The following NAALADL2 variants were observed in gnomAD, a reference collection of about 807,000 sequenced individuals.
NAALADL2 encodes inactive N-acetylated-alpha-linked acidic dipeptidase-like protein 2.
A neutral mutation model predicts 87.2 loss-of-function variants in NAALADL2; 76 were observed. That is an observed-to-expected ratio of 0.87 (90% CI 0.72 to 1.05). The LOEUF (loss-of-function observed/expected upper bound fraction) is 1.05. NAALADL2 is among the 50% of genes least tolerant of loss of function. The probability of loss-of-function intolerance (pLI) is 0.00; values close to 1 mark genes in which losing one functional copy is unlikely to be tolerated. For synonymous variants in NAALADL2, 354 were observed against 331.0 expected (o/e 1.07, Z -0.75); for missense variants, 1,089 against 945.8 (o/e 1.15, Z -1.99).
intron 2 of NAALADL2, among the ~76,000 whole-genome samples, chr3:174,667,194 A>G (rs1560129779): frequency 6.6e-6 from 1 of 152,180 alleles, no homozygotes; most frequent in Non-Finnish European, 1.5e-5. Flanking sequence ...ACCCAGAAGT[A>G]AGATTGGTGG....
Position 175,797,656 on chromosome 3 carries a change from T to C in NAALADL2, c.2190-5349T>C, listed in dbSNP as rs575736180. On this transcript the variant is annotated intron_variant, in intron 13 of 13. Transcript: ENST00000454872. ...TCCTAGTCTTTCCCAATCTGAAAAA[T>C]GGGTCTATAATGGAGGAGGGACACA... 2.6e-5 allele frequency among the ~76,000 whole-genome samples: 4 copies of C among 152,144 alleles called. No homozygotes were observed. The East Asian group carries it at 7.7e-4, about 29-fold the overall frequency.
chr3:174,859,093 G>A (rs903646651), upstream of NAALADL2, among the ~76,000 whole-genome samples: 3 of 151,898 alleles, frequency 2.0e-5, no homozygotes, highest in African/African-American at 7.3e-5. Flanking sequence ...GCTCTTTTAG[G>A]GGAAAATATA....
At chr3:175,024,840 T>A (rs1752016926) in intron 1 of NAALADL2, among the ~76,000 whole-genome samples, 1 of 152,126 alleles carries the variant, frequency 6.6e-6, no homozygotes. Context: ...AATCTACTCA[T>A]GTGATGGTGT....
chr3:175,699,926 A>G (rs1191321125), intron 11 of NAALADL2, among the ~76,000 whole-genome samples: 1 of 152,164 alleles, frequency 6.6e-6, no homozygotes, highest in Non-Finnish European at 1.5e-5. Context: ...GATGTGGCAG[A>G]AAGTCCAAGG....
intron 2 of NAALADL2, among the ~76,000 whole-genome samples, chr3:175,214,184 T>G (rs533214741): frequency 9.2e-5 from 14 of 152,310 alleles, no homozygotes; most frequent in Non-Finnish European, 1.9e-4. Context: ...TATTGTAATT[T>G]ACATGACAGC....
chr3:174,787,502 G>C (rs1314957534), intron 3 of NAALADL2, among the ~76,000 whole-genome samples: 1 of 143,998 alleles, frequency 6.9e-6, no homozygotes, highest in Non-Finnish European at 1.5e-5. Flanking sequence ...ATGTTTTCTT[G>C]ACCTCAAGAT....
At chr3:174,555,072 TA>T (rs1425657542) in intron 2 of NAALADL2, among the ~76,000 whole-genome samples, 1 of 152,138 alleles carries the variant, frequency 6.6e-6, no homozygotes, top group Non-Finnish European at 1.5e-5. Flanking sequence ...GCCCAGCTCT[TA>T]TTATTGTTGC....
intron 2 of NAALADL2, among the ~76,000 whole-genome samples, chr3:175,174,415 G>T (rs1254995466): frequency 6.6e-6 from 1 of 151,918 alleles, no homozygotes; most frequent in Admixed American, 6.6e-5. Context: ...CATCTTATTT[G>T]AAAAGCAATA....
At chr3:175,505,652 T>A (rs1260190172) in intron 9 of NAALADL2, among the ~76,000 whole-genome samples, 1 of 152,108 alleles carries the variant, frequency 6.6e-6, no homozygotes, top group Non-Finnish European at 1.5e-5. Context: ...CAAGAAAGCC[T>A]TCACATAATG....
intron 3 of NAALADL2, among the ~76,000 whole-genome samples, chr3:174,755,225 C>T (rs1051850370): frequency 1.3e-5 from 2 of 152,178 alleles, no homozygotes; most frequent in Non-Finnish European, 2.9e-5. Flanking sequence ...GCTTCCCCTT[C>T]ATCTTCTGCC....
chr3:175,761,187 C>T (rs1369060846), intron 13 of NAALADL2, among the ~76,000 whole-genome samples: 1 of 150,884 alleles, frequency 6.6e-6, no homozygotes. Flanking sequence ...TTTTACTGCC[C>T]TAAAAATCTC....
intron 2 of NAALADL2, among the ~76,000 whole-genome samples, chr3:174,668,021 G>C (rs1726138643): frequency 6.6e-6 from 1 of 151,864 alleles, no homozygotes; most frequent in South Asian, 2.1e-4. Context: ...CTACATCCTT[G>C]CAAAACTTGT....
chr3:174,939,944 T>C (rs1293512940), intron 1 of NAALADL2, among the ~76,000 whole-genome samples: 3 of 152,164 alleles, frequency 2.0e-5, no homozygotes, highest in African/African-American at 4.8e-5. Context: ...AATCATGTAA[T>C]CTGCAAATAG....
intron 3 of NAALADL2, among the ~76,000 whole-genome samples, chr3:174,835,825 G>A (rs1277210204): frequency 6.6e-6 from 1 of 152,102 alleles, no homozygotes; most frequent in Non-Finnish European, 1.5e-5. Context: ...CCCATTGGAT[G>A]GCTAATATCA....
At chr3:175,441,536 C>T (rs536624034) in intron 5 of NAALADL2, among the ~76,000 whole-genome samples, 1 of 152,140 alleles carries the variant, frequency 6.6e-6, no homozygotes, top group South Asian at 2.1e-4. Context: ...GATTCTGATT[C>T]AGAAGACCTG....
At chr3:175,281,021 G>T (rs1408500995) in intron 4 of NAALADL2, among the ~76,000 whole-genome samples, 1 of 151,512 alleles carries the variant, frequency 6.6e-6, no homozygotes, top group Non-Finnish European at 1.5e-5. Context: ...AAGTTCCCCA[G>T]GTCATTGATG....
intron 3 of NAALADL2, among the ~76,000 whole-genome samples, chr3:175,249,124 A>G (rs999637119): frequency 6.6e-6 from 1 of 152,124 alleles, no homozygotes; most frequent in African/African-American, 2.4e-5. Context: ...TTGTGTGCGT[A>G]TATGAGGAAG....
intron 5 of NAALADL2, among the ~76,000 whole-genome samples, chr3:175,334,255 T>C (rs1402746280): frequency 6.6e-6 from 1 of 151,058 alleles, no homozygotes; most frequent in Non-Finnish European, 1.5e-5. Flanking sequence ...GATAGACAGA[T>C]AGATAGATAG....
chr3:174,857,732 CA>C (rs1726007774), upstream of NAALADL2, among the ~76,000 whole-genome samples: 2 of 151,978 alleles, frequency 1.3e-5, no homozygotes, highest in Non-Finnish European at 2.9e-5. Flanking sequence ...TATTCTGGAG[CA>C]AACCACAACC....
Sources: allele counts gnomAD v4.1 joint callset (sites outside exome capture counted in the v4.1 genomes callset), GRCh38; gene constraint gnomAD v4.1.1; transcripts MANE v1.5; gene names NCBI Gene and HGNC (gene_info 2026-07-23, HGNC 2026-07-21).